Variants in ABCD2 observed in about 807,000 individuals in gnomAD.
ABCD2 encodes ATP binding cassette subfamily D member 2, also known as ATP-binding cassette sub-family D member 2.
A neutral mutation model predicts 70.9 loss-of-function variants in ABCD2; 36 were observed. The ratio of observed to expected loss-of-function variants is 0.51; its 90% CI spans 0.39 to 0.67. The LOEUF is 0.67. Ranked by LOEUF, ABCD2 falls within the 30% of genes least tolerant of loss-of-function variation. The pLI, the probability that ABCD2 is intolerant of heterozygous loss-of-function variation, is 0.00. For synonymous variants in ABCD2, 304 were observed against 306.9 expected, an observed-to-expected ratio of 0.99 and a Z score of 0.10; for missense variants, 729 against 890.2, an observed-to-expected ratio of 0.82 and a Z score of 2.30.
intron 9 of ABCD2, among the ~76,000 whole-genome samples, chr12:39,557,264 C>T (rs902908414): frequency 6.6e-6 from 1 of 152,074 alleles, no homozygotes; most frequent in South Asian, 2.1e-4. Flanking sequence ...TTTGCCCCTG[C>T]CCTAGAGGTC....
intron 4 of ABCD2, among the ~76,000 whole-genome samples, 156 bp from the exon 5 acceptor site, chr12:39,604,162 A>G (rs1484621071): frequency 6.6e-6 from 1 of 152,112 alleles, no homozygotes. Flanking sequence ...TCCAGACCTG[A>G]AGCAAAGTTT....
chr12:39,556,738 G>C (rs564934728), intron 9 of ABCD2, among the ~76,000 whole-genome samples: 2 of 152,202 alleles, frequency 1.3e-5, no homozygotes, highest in African/African-American at 4.8e-5. Context: ...TGTAATCCCA[G>C]CACTTTGGGA....
chr12:39,583,815 T>C (rs1591982481), intron 7 of ABCD2, among the ~76,000 whole-genome samples: 4 of 152,212 alleles, frequency 2.6e-5, no homozygotes. Flanking sequence ...TAAGGATGAT[T>C]GCCTCCAGCT....
rs1942157282 is a variant in ABCD2 at position 39,619,130 on chromosome 12, A to G, written c.486T>C (p.Ser162=). The part of the protein sequence containing the change: ...MIAIPATFVN[S]AIRYLECKLA... ...ATTTGCATTCCAGGTACCTTATTGC[A>G]CTGTTGACGAAGGTAGCAGGGATGG... The change falls in exon 1 of 10, where the codon AGT becomes AGC. Residue 162 remains serine (S), a synonymous_variant. Transcript: ENST00000308666. 1 of 1,614,220 alleles carries G rather than the reference A, an allele frequency of 6.2e-7. No individual in the cohort carries two copies. Among genetic ancestry groups the G allele is most frequent in the Non-Finnish European group, 8.5e-7 (1 of 1,180,042 alleles).
intron 9 of ABCD2, among the ~76,000 whole-genome samples, chr12:39,560,595 G>T (rs147835944): frequency 5.3e-5 from 8 of 152,064 alleles, no homozygotes; most frequent in Non-Finnish European, 8.8e-5. Flanking sequence ...GAAGGGTAAA[G>T]GTTGTGTTTT....
rs1025359917 is a variant in ABCD2, at chr12:39,573,976, A to T, written c.1878-135T>A. 1.0e-5 allele frequency: 8 copies of T among 791,444 alleles called. No individual in the cohort carries two copies. The East Asian group carries it at 1.2e-4, about 11-fold the overall frequency. 49.0% of individuals were successfully genotyped at this position (791,444 alleles called of 1,614,324 possible). ...ATGGCATTATTAAAGGCAATAAATGATAAAGCAAAAAAGTAGTTGTCCCCT... is the reference window on the plus strand; with the variant it reads ...ATGGCATTATTAAAGGCAATAAATGTTAAAGCAAAAAAGTAGTTGTCCCCT... On this transcript the variant is annotated intron_variant, in intron 8 of 9. Transcript: ENST00000308666.
At chr12:39,569,540 T>C (rs912775327) in intron 9 of ABCD2, among the ~76,000 whole-genome samples, 7 of 152,040 alleles carry the variant, frequency 4.6e-5, no homozygotes, top group Non-Finnish European at 1.0e-4. Context: ...TTACTTTGAG[T>C]AGGAAAGGGA....
chr12:39,594,941 A>G (rs1298032342), intron 6 of ABCD2, among the ~76,000 whole-genome samples: 2 of 152,114 alleles, frequency 1.3e-5, no homozygotes, highest in African/African-American at 2.4e-5. Flanking sequence ...AAACCCTGTC[A>G]ATACAAATAA....
intron 5 of ABCD2, 112 bp downstream of exon 5, chr12:39,603,798 TGA>T: frequency 1.3e-6 from 1 of 745,364 alleles, no homozygotes; most frequent in South Asian, 1.8e-5. Flanking sequence ...ATACCTTTCT[TGA>T]TTTCCCCTTT....
Position 39,618,943 on chromosome 12 carries a change from A to C in ABCD2, c.673T>G (p.Tyr225Asp). 6.2e-7 allele frequency: 1 copy of C among 1,614,250 alleles called. No individual in the cohort carries two copies. The highest frequency in any genetic ancestry group is 8.5e-7 in the Non-Finnish European group (1 of 1,180,040). ...AAAATAGGTTTGGTCAGATTGGAAT[A>C]CAAGTGAGCCACAGATTGGGAGAAC... ...MMFSQSVAHL[Y>D]SNLTKPILDV... Residue 225 changes from tyrosine to aspartate, a missense_variant, in exon 1 of 10, where the codon TAT (tyrosine) becomes GAT (aspartate). Physicochemically the swap from Tyr to Asp is radical, Grantham distance 160. Around this residue, in one of 3 missense-constraint regions of ABCD2, gnomAD observed 195 missense variants for 300.2 expected, o/e 0.65. Transcript: ENST00000308666.
Position 39,553,838 on chromosome 12 carries a change from A to G in ABCD2, c.*74T>C. ...TTTTTTTCTCTGTGCTTAGCTTAAC[A>G]TACTTCATGCAGTATAACAGAATGT... On this transcript the variant is annotated 3_prime_UTR_variant, in exon 10 of 10. Coordinates refer to ENST00000308666, the MANE Select transcript of ABCD2 (RefSeq NM_005164.4). The G allele has an allele frequency of 8.9e-7, 1 of 1,123,028 alleles. No individual in the cohort carries two copies. The highest frequency in any genetic ancestry group is 1.5e-5 in the South Asian group (1 of 66,168). The allele number at this position is 1,123,028 out of a possible 1,614,324, so 69.6% of individuals were successfully genotyped here.
At chr12:39,557,030 T>C (rs932360466) in intron 9 of ABCD2, among the ~76,000 whole-genome samples, 1 of 151,234 alleles carries the variant, frequency 6.6e-6, no homozygotes, top group Non-Finnish European at 1.5e-5. Flanking sequence ...ACTTTGGAAC[T>C]GGGTAACAGG....
At chr12:39,569,940 A>G (rs1941422669) in intron 9 of ABCD2, among the ~76,000 whole-genome samples, 2 of 152,336 alleles carry the variant, frequency 1.3e-5, no homozygotes, top group Admixed American at 1.3e-4. Flanking sequence ...CTCTACACTG[A>G]CAGCAAATTA....
chr12:39,568,056 A>G (rs1400647292), intron 9 of ABCD2, among the ~76,000 whole-genome samples: 2 of 151,810 alleles, frequency 1.3e-5, no homozygotes, highest in Admixed American at 6.6e-5. Context: ...GCTGCCCTTA[A>G]CATTTTTTCC....
intron 8 of ABCD2, among the ~76,000 whole-genome samples, chr12:39,576,006 G>T (rs1301674342): frequency 6.6e-6 from 1 of 152,178 alleles, no homozygotes; most frequent in Admixed American, 6.5e-5. Context: ...CACTGATACA[G>T]TGACAAATTT....
At chr12:39,603,201 T>A (rs1941924308) in intron 5 of ABCD2, among the ~76,000 whole-genome samples, 1 of 152,148 alleles carries the variant, frequency 6.6e-6, no homozygotes, top group Admixed American at 6.5e-5. Flanking sequence ...ATGTTTGTAA[T>A]TCTTTTATCA....
the ABCD2 span, chr12:39,539,781 G>T: frequency 1.9e-5 from 3 of 157,836 alleles, no homozygotes. Context: ...TATTGTCTGT[G>T]CTGGGGAGCC....
chr12:39,589,810 G>A (rs1049539081), intron 6 of ABCD2, among the ~76,000 whole-genome samples: 1 of 152,230 alleles, frequency 6.6e-6, no homozygotes, highest in East Asian at 1.9e-4. Context: ...TATATTTATT[G>A]AGGACTAATC....
At chr12:39,540,789 C>T in the ABCD2 span, among the ~76,000 whole-genome samples, 3 of 152,224 alleles carry the variant, frequency 2.0e-5, no homozygotes, top group East Asian at 3.8e-4. Context: ...AAACACCCTC[C>T]CTTCCCCCAC....
Sources: allele counts gnomAD v4.1 joint callset (sites outside exome capture counted in the v4.1 genomes callset), GRCh38; gene constraint gnomAD v4.1.1; regional missense constraint gnomAD v4.1.1; transcripts MANE v1.5; gene names NCBI Gene and HGNC (gene_info 2026-07-23, HGNC 2026-07-21).